Variants in PPA1 observed in about 807,000 individuals in gnomAD.
PPA1 encodes inorganic pyrophosphatase 1.
A neutral mutation model predicts 41.8 loss-of-function variants in PPA1; 23 were observed. The ratio of observed to expected loss-of-function variants is 0.55; its 90% CI spans 0.40 to 0.78. PPA1 has a LOEUF of 0.78. Ranked by LOEUF, PPA1 falls within the 30% of genes least tolerant of loss-of-function variation. PPA1 has a pLI of 0.00. For synonymous variants in PPA1, 101 were observed against 116.8 expected, an observed-to-expected ratio of 0.86 and a Z score of 0.87; for missense variants, 320 against 361.6, an observed-to-expected ratio of 0.89 and a Z score of 0.93.
rs766193453 is a variant in PPA1 at position 70,209,638 on chromosome 10, C to T, written c.559G>A (p.Val187Met). 6.2e-7 allele frequency: 1 copy of T among 1,606,952 alleles called. No homozygotes were observed. The highest frequency in any genetic ancestry group is 8.5e-7 in the Non-Finnish European group (1 of 1,175,574). The change falls in exon 7 of 11, where the codon GTG becomes ATG. Residue 187 changes from valine to methionine, a missense_variant. Physicochemically the swap from Val to Met is conservative, Grantham distance 21. Transcript: ENST00000373232. ...ACCTTATACCTTCTAAACCAGTCCACAGTAGCTTCTAAGTAGCCAGGTTTC... is the reference window on the plus strand; with the variant it reads ...ACCTTATACCTTCTAAACCAGTCCATAGTAGCTTCTAAGTAGCCAGGTTTC... ...RLKPGYLEATVDWFRRYKVPD... is the reference protein window; with the variant it reads ...RLKPGYLEATMDWFRRYKVPD...
At chr10:70,230,543 C>G in intron 1 of PPA1, 144 bp from the exon 2 acceptor site, 2 of 801,692 alleles carry the variant, frequency 2.5e-6, no homozygotes, top group Non-Finnish European at 3.8e-6. Context: ...CTCACTGCCA[C>G]TTCTGTTTCC....
At chr10:70,219,265 C>G (rs567325589) in intron 2 of PPA1, among the ~76,000 whole-genome samples, 1 of 152,226 alleles carries the variant, frequency 6.6e-6, no homozygotes, top group African/African-American at 2.4e-5. Flanking sequence ...TAAAAGCTGA[C>G]AGTGGAAAGA....
intron 2 of PPA1, among the ~76,000 whole-genome samples, chr10:70,220,457 T>C (rs1332001500): frequency 1.6e-5 from 2 of 125,092 alleles, no homozygotes; most frequent in South Asian, 2.3e-4. Context: ...TGTGTGTGTG[T>C]GCGTGTATGT....
chr10:70,203,199 A>G lies in PPA1; in HGVS notation c.839-13T>C, dbSNP rs1839901035. 1 of 1,601,824 alleles carries G rather than the reference A, an allele frequency of 6.2e-7. No individual in the cohort carries two copies. Among genetic ancestry groups the G allele is most frequent in the African/African-American group, 1.3e-5 (1 of 74,552 alleles). On this transcript the variant is annotated splice_polypyrimidine_tract_variant and intron_variant, in intron 10 of 10. Transcript: ENST00000373232. ...AACCACTTATCCACTGTATTCAGAG[A>G]AAAGAAAAACAAATTAGAATTCCTG...
intron 2 of PPA1, among the ~76,000 whole-genome samples, chr10:70,221,037 T>A (rs1487780485): frequency 2.8e-5 from 2 of 72,428 alleles, no homozygotes; most frequent in African/African-American, 1.5e-4. Context: ...AATATATATA[T>A]AAATTATATA....
At chr10:70,231,825 G>A (rs1840292570) in intron 1 of PPA1, among the ~76,000 whole-genome samples, 1 of 152,178 alleles carries the variant, frequency 6.6e-6, no homozygotes, top group Non-Finnish European at 1.5e-5. Context: ...TCTAGGAGTA[G>A]CTTTGGTCTC....
rs569907042 is a variant in PPA1, at chr10:70,232,897, C to A, written c.64+367G>T. 1.0e-3 allele frequency among the ~76,000 whole-genome samples: 151 copies of A among 151,478 alleles called. 1 individual carries two copies. Among genetic ancestry groups the A allele is most frequent in the Admixed American group, 1.8e-3 (27 of 15,280 alleles). On this transcript the variant is annotated intron_variant, in intron 1 of 10. Coordinates refer to ENST00000373232, the MANE Select transcript of PPA1 (RefSeq NM_021129.4). The stretch of plus-strand genomic sequence containing the variant: ...TCGCCTTTTCTCCAAACTGAGCAAT[C>A]CTCTTACGGGAATTATGTTACTTCC...
chr10:70,205,006 G>C, intron 9 of PPA1, 91 bp from the exon 10 acceptor site: 1 of 940,458 alleles, frequency 1.1e-6, no homozygotes, highest in South Asian at 1.6e-5. Context: ...AGAATCTGAA[G>C]ACTATCCCAA....
chr10:70,205,011 T>A, intron 9 of PPA1, 96 bp from the exon 10 acceptor site: 2 of 904,880 alleles, frequency 2.2e-6, no homozygotes, highest in Non-Finnish European at 3.4e-6. Flanking sequence ...CTGAAGACTA[T>A]CCCAAATTTT....
At position 70,228,758 on chromosome 10, in the gene PPA1, C is replaced by T. The variant is rs184880583; in HGVS notation, c.123+1583G>A. Among the ~76,000 whole-genome samples the T allele has an allele frequency of 2.6e-5, 4 of 152,310 alleles. No homozygotes were observed. The East Asian group carries it at 7.7e-4, about 29-fold the overall frequency. On this transcript the variant is annotated intron_variant, in intron 2 of 10. Coordinates refer to ENST00000373232, the MANE Select transcript of PPA1 (RefSeq NM_021129.4). ...CATTGCCTCTAATTGGAGTCTTACC[C>T]AGGAAGGCTCCTGGGAAGCAATGTA...
Position 70,213,465 on chromosome 10 carries a change from T to TTATA in PPA1, c.505_508dup (p.Asn170IlefsTer2). 6.2e-7 allele frequency: 1 copy of TTATA among 1,613,864 alleles called. No homozygotes were observed. Among genetic ancestry groups the TTATA allele is most frequent in the Non-Finnish European group, 8.5e-7 (1 of 1,179,816 alleles). ...TCAGACTTTTCAAATTTTCTTACCA[T>TTATA]TATAATTGGCTGCATCAGGATCATC... On this transcript the variant is annotated stop_gained and frameshift_variant, in exon 6 of 11. Transcript: ENST00000373232. LOFTEE classifies it high-confidence loss of function.
rs1419375092 is a variant in PPA1, at chr10:70,206,305, A to T, written c.754T>A (p.Phe252Ile). The T allele has an allele frequency of 2.5e-6, 4 of 1,613,348 alleles. No homozygotes were observed. The highest frequency in any genetic ancestry group is 2.5e-6 in the Non-Finnish European group (3 of 1,179,330). The change falls in exon 9 of 11, where the codon TTC (phenylalanine) becomes ATC (isoleucine). Residue 252 changes from phenylalanine to isoleucine, a missense_variant. Coordinates refer to ENST00000373232, the MANE Select transcript of PPA1 (RefSeq NM_021129.4). The part of the protein sequence containing the change: ...CMNTTLSESP[F>I]KCDPDAARAI... ...CTGGCAGCATCAGGATCACACTTGA[A>T]GGGGCTCTCAGACAAAGTTGTATTC...
intron 8 of PPA1, 108 bp downstream of exon 8, chr10:70,209,097 T>C: frequency 1.3e-6 from 1 of 756,680 alleles, no homozygotes; most frequent in Non-Finnish European, 2.0e-6. Context: ...CCCAGCCTTG[T>C]ATCTCTTTTC....
At chr10:70,215,457 GTTTTTCTTCTTCCTTT>G (rs1220020748) in intron 4 of PPA1, among the ~76,000 whole-genome samples, 37 of 151,994 alleles carry the variant, frequency 2.4e-4, no homozygotes, top group South Asian at 1.0e-3. Context: ...TGGAAAGGTT[GTTTTTCTTCTTCCTTT>G]TTTTTCTTTT....
chr10:70,221,076 A>ATATATATATTT (rs1224550178), intron 2 of PPA1, among the ~76,000 whole-genome samples: 3 of 40,050 alleles, frequency 7.5e-5, no homozygotes, highest in African/African-American at 4.0e-4. Flanking sequence ...ATATATATAT[A>ATATATATATTT]TTTTTTTTTT....
At chr10:70,220,420 T>TTG (rs746492730) in intron 2 of PPA1, among the ~76,000 whole-genome samples, 126 of 136,854 alleles carry the variant, frequency 9.2e-4, no homozygotes, top group Non-Finnish European at 1.6e-3. Flanking sequence ...ATCCAGCTAA[T>TTG]TGTGTGTGTG....
At chr10:70,208,940 T>C (rs919911300) in intron 8 of PPA1, among the ~76,000 whole-genome samples, 1 of 151,946 alleles carries the variant, frequency 6.6e-6, no homozygotes, top group Non-Finnish European at 1.5e-5. Context: ...ACTACAGGTA[T>C]GTACCACCAT....
chr10:70,203,179 C>T lies in PPA1; in HGVS notation c.846G>A (p.Lys282=). The change falls in exon 11 of 11, where the codon AAG becomes AAA. Residue 282 remains lysine, a synonymous_variant. Coordinates refer to ENST00000373232, the MANE Select transcript of PPA1 (RefSeq NM_021129.4). The part of the protein sequence containing the change: ...SACTVPTDVD[K]WFHHQKN ...ATTAGTTTTTCTGGTGATGGAACCACTTATCCACTGTATTCAGAGAAAAGA... is the reference window on the plus strand; with the variant it reads ...ATTAGTTTTTCTGGTGATGGAACCATTTATCCACTGTATTCAGAGAAAAGA... The T allele has an allele frequency of 6.2e-7, 1 of 1,608,700 alleles. No individual in the cohort carries two copies. The highest frequency in any genetic ancestry group is 8.5e-7 in the Non-Finnish European group (1 of 1,176,398).
chr10:70,217,899 T>C lies in PPA1; in HGVS notation c.210A>G (p.Lys70=). ...GAAGTTTTCCTTTTTTCACATCTTGTTTAATAGGGTTTAAAGGGTCCTTTG... is the reference window on the plus strand; with the variant it reads ...GAAGTTTTCCTTTTTTCACATCTTGCTTAATAGGGTTTAAAGGGTCCTTTG... ...IATKDPLNPI[K]QDVKKGKLRY... is the part of the protein sequence containing the mutation. Residue 70 remains lysine, a synonymous_variant, in exon 4 of 11, where the codon AAA becomes AAG. Coordinates refer to ENST00000373232, the MANE Select transcript of PPA1 (RefSeq NM_021129.4). 8.7e-6 allele frequency: 14 copies of C among 1,602,960 alleles called. No homozygotes were observed. The highest frequency in any genetic ancestry group is 1.2e-5 in the Non-Finnish European group (14 of 1,172,688).
Sources: gnomAD v4.1 joint callset for allele counts (sites outside exome capture counted in the v4.1 genomes callset) on GRCh38, gnomAD v4.1.1 for gene constraint, MANE v1.5 for transcripts, NCBI Gene and HGNC (gene_info 2026-07-23, HGNC 2026-07-21) for gene names.